EXO1: variants seen among roughly 807,000 people sequenced by gnomAD.
The protein encoded by EXO1 is exonuclease 1.
EXO1 carries 69 observed loss-of-function variants against 84.5 expected under a neutral mutation model. The ratio of observed to expected loss-of-function variants is 0.82; its 90% confidence interval spans 0.67 to 1.00. The LOEUF is 1.00. Among genes scored for constraint, EXO1 ranks in the 50% least tolerant of loss-of-function variants. The pLI is 0.00. For synonymous variants in EXO1, 373 were observed against 366.1 expected (o/e 1.02, Z -0.21); for missense variants, 1,045 against 1,000.7 (o/e 1.04, Z -0.60).
At position 241,879,145 on chromosome 1, in the gene EXO1, C is replaced by G. The variant is rs763523848; in HGVS notation, c.1911C>G (p.Ser637Arg). ...STALQQFRRK[S>R]DSPTSLPENN... ...CATTGCAGCAGTTCCGAAGAAAGAG[C>G]GATTCCCCCACCTCTTTGCCTGAGA... Residue 637 changes from serine (S) to arginine (R), a missense_variant, in exon 13 of 16, where the codon AGC (serine) becomes AGG (arginine). Ser to Arg is a moderately radical substitution (Grantham distance 110). Transcript: ENST00000366548. 1 of 1,609,084 alleles carries G rather than the reference C, an allele frequency of 6.2e-7. No homozygotes were observed. The highest frequency in any genetic ancestry group is 1.7e-5 in the Admixed American group (1 of 59,942).
rs555726729 is a variant in EXO1, at chr1:241,886,501, G to A, written c.2405+994G>A. ...GTAGAAATATTGTCATAGATGAGGC[G>A]GTATGAGTGGGAAACACTTTGTAAA... On this transcript the variant is annotated intron_variant, in intron 15 of 15. Coordinates refer to ENST00000366548, the MANE Select transcript of EXO1 (RefSeq NM_130398.4). Among the ~76,000 whole-genome samples, 10 of 152,108 alleles carry A rather than the reference G, an allele frequency of 6.6e-5. No individual in the cohort carries two copies. The South Asian group carries it at 1.2e-3, about 19-fold the overall frequency.
In EXO1 at chr1:241,881,903, C is replaced by T. The variant is rs200153925; in HGVS notation, c.2110-13C>T. ...ATCTAATTTTATTTTATTTTTTGAT[C>T]TGGGGACTCTAGGAATCTGATTGCA... On this transcript the variant is annotated splice_polypyrimidine_tract_variant and intron_variant, in intron 13 of 15. Transcript: ENST00000366548. 3 of 1,321,678 alleles carry T rather than the reference C, an allele frequency of 2.3e-6. No homozygotes were observed. The highest frequency in any genetic ancestry group is 3.3e-6 in the Non-Finnish European group (3 of 921,592). The allele number at this position is 1,321,678 out of a possible 1,614,324, so 81.9% of individuals were successfully genotyped here. A position where few individuals can be genotyped will look rare whatever the true frequency, so the allele number is the denominator to read the frequency against.
rs148475502 is a variant in EXO1 at position 241,887,185 on chromosome 1, A to G, written c.2405+1678A>G. Among the ~76,000 whole-genome samples the G allele has an allele frequency of 6.6e-3, 1,009 of 152,242 alleles. 7 individuals carry two copies. Among genetic ancestry groups the G allele is most frequent in the African/African-American group, 0.024 (977 of 41,520 alleles). On this transcript the variant is annotated intron_variant, in intron 15 of 15. Transcript: ENST00000366548. ...CTGGTGTCCCTTTTTTCTGTTGCCTAGGCTGGAATGGCACAATCATGGCTC... is the reference window on the plus strand; with the variant it reads ...CTGGTGTCCCTTTTTTCTGTTGCCTGGGCTGGAATGGCACAATCATGGCTC...
rs138837999 is a variant in EXO1, at chr1:241,867,437, A to G, written c.1267+382A>G. Among the ~76,000 whole-genome samples, 1,196 of 152,302 alleles carry G rather than the reference A, an allele frequency of 7.9e-3. 9 individuals are homozygous for G. The highest frequency in any genetic ancestry group is 0.016 in the South Asian group (75 of 4,822). On this transcript the variant is annotated intron_variant, in intron 11 of 15. Coordinates refer to ENST00000366548, the MANE Select transcript of EXO1 (RefSeq NM_130398.4). Reference sequence around the variant, plus strand: ...GGGAAACGGCCACCATGATTCAGTTATCTCCCACCAGGTCCCTCCCACAAC... The same window carrying G: ...GGGAAACGGCCACCATGATTCAGTTGTCTCCCACCAGGTCCCTCCCACAAC...
At chr1:241,857,139 T>G (rs1661099070) in intron 6 of EXO1, among the ~76,000 whole-genome samples, 1 of 152,220 alleles carries the variant, frequency 6.6e-6, no homozygotes, top group Admixed American at 6.5e-5. Flanking sequence ...ATAAGTTGAT[T>G]TTTTAAAAAT....
chr1:241,878,001 A>G (rs1020869051), intron 12 of EXO1, among the ~76,000 whole-genome samples: 4 of 152,168 alleles, frequency 2.6e-5, no homozygotes, highest in Admixed American at 1.3e-4. Flanking sequence ...GCATATTTCT[A>G]TATCTTTTCA....
At chr1:241,850,623 A>C in intron 4 of EXO1, 37 bp downstream of exon 4, 1 of 1,571,800 alleles carries the variant, frequency 6.4e-7, no homozygotes, top group Non-Finnish European at 8.7e-7. Flanking sequence ...TTGACAATTA[A>C]GAATGAGACC....
At chr1:241,858,749 A>G in intron 8 of EXO1, 31 bp downstream of exon 8, 1 of 1,345,776 alleles carries the variant, frequency 7.4e-7, no homozygotes, top group African/African-American at 1.4e-5. Flanking sequence ...GTCATATTCA[A>G]TTTCTGAAGC....
In EXO1 at chr1:241,853,480, A is replaced by C; in HGVS notation, c.404A>C (p.Lys135Thr). ...CATGCCATGGCCCACAAAGTAATTA[A>C]AGTAAGACAAAGGGGCAGATGGGCA... is the stretch of plus-strand genomic sequence containing the variant. ...ITHAMAHKVI[K>T]AARSQGVDCL... The change falls in exon 6 of 16, where the codon AAA becomes ACA. Residue 135 changes from lysine (K) to threonine (T), a missense_variant and splice_region_variant. By Grantham distance (78) the Lys-to-Thr change is moderately conservative. Coordinates refer to ENST00000366548, the MANE Select transcript of EXO1 (RefSeq NM_130398.4). The C allele has an allele frequency of 6.2e-7, 1 of 1,614,084 alleles. No homozygotes were observed. Among genetic ancestry groups the C allele is most frequent in the Non-Finnish European group, 8.5e-7 (1 of 1,180,008 alleles).
intron 13 of EXO1, among the ~76,000 whole-genome samples, chr1:241,879,900 G>A (rs533841923): frequency 8.6e-4 from 130 of 151,654 alleles, no homozygotes; most frequent in African/African-American, 2.6e-3. Flanking sequence ...CCAGCTATTC[G>A]GGAGGCTGAG....
intron 13 of EXO1, 21 bp downstream of exon 13, chr1:241,879,364 T>G: frequency 6.9e-7 from 1 of 1,448,074 alleles, no homozygotes; most frequent in South Asian, 1.2e-5. Context: ...TCCTGAAGGC[T>G]TTGTTTTCAA....
At chr1:241,880,111 C>A (rs541325666) in intron 13 of EXO1, among the ~76,000 whole-genome samples, 1 of 152,034 alleles carries the variant, frequency 6.6e-6, no homozygotes, top group South Asian at 2.1e-4. Flanking sequence ...TTCATTTACT[C>A]TTCTTATTCC....
At chr1:241,856,002 T>C (rs1661008786) in intron 6 of EXO1, among the ~76,000 whole-genome samples, 1 of 152,174 alleles carries the variant, frequency 6.6e-6, no homozygotes, top group Admixed American at 6.5e-5. Context: ...GCTCCGGCCT[T>C]GGCCAGCCCA....
In EXO1 at chr1:241,868,374, CAAAAAAAA is replaced by C. The variant is rs10591886; in HGVS notation, c.1267+1336_1267+1343del. Among the ~76,000 whole-genome samples the C allele has an allele frequency of 8.3e-3, 959 of 115,848 alleles. 6 individuals carry two copies. The highest frequency in any genetic ancestry group is 0.013 in the Non-Finnish European group (702 of 53,812). 76.0% of individuals were successfully genotyped at this position (115,848 alleles called of 152,430 possible). On this transcript the variant is annotated intron_variant, in intron 11 of 15. Transcript: ENST00000366548. Reference sequence around the variant, plus strand: ...TGGGCGCCAGAGAAAGAATCCATCTCAAAAAAAAAAAAAAAAAAAAAAAATTAAGAAAG... The same window carrying C: ...TGGGCGCCAGAGAAAGAATCCATCTCAAAAAAAAAAAAAAAATTAAGAAAG...
intron 12 of EXO1, among the ~76,000 whole-genome samples, chr1:241,875,680 C>T (rs955008162): frequency 3.4e-4 from 51 of 152,236 alleles, no homozygotes; most frequent in African/African-American, 1.1e-3. Flanking sequence ...AGATCGAGAC[C>T]ATCCTGGCTA....
intron 11 of EXO1, among the ~76,000 whole-genome samples, chr1:241,870,476 A>G (rs562696267): frequency 1.3e-5 from 2 of 152,314 alleles, no homozygotes; most frequent in South Asian, 4.1e-4. Context: ...GATTATTGAA[A>G]TGTGATCTGC....
chr1:241,857,524 T>C (rs781563058), intron 7 of EXO1, 42 bp downstream of exon 7: 1 of 1,463,320 alleles, frequency 6.8e-7, no homozygotes. Flanking sequence ...TCTATGTAGA[T>C]AGTAGTGTAA....
chr1:241,880,174 G>A (rs1398461693), intron 13 of EXO1, among the ~76,000 whole-genome samples: 3 of 152,078 alleles, frequency 2.0e-5, no homozygotes. Flanking sequence ...TGTGCATACT[G>A]GTCTAGAAGA....
intron 5 of EXO1, among the ~76,000 whole-genome samples, chr1:241,852,937 A>G (rs555938287): frequency 5.6e-4 from 85 of 152,302 alleles, no homozygotes; most frequent in Non-Finnish European, 7.6e-4. Context: ...AATTACAGGC[A>G]TGAGCCACTG....
Sources: allele counts gnomAD v4.1 joint callset (sites outside exome capture counted in the v4.1 genomes callset), GRCh38; gene constraint gnomAD v4.1.1; transcripts MANE v1.5; gene names NCBI Gene and HGNC (gene_info 2026-07-23, HGNC 2026-07-21).